Variants in UBE3C observed in about 807,000 individuals in gnomAD.
UBE3C encodes the protein ubiquitin protein ligase E3C.
UBE3C carries 42 observed loss-of-function variants against 129.4 expected under a neutral mutation model. That is an observed-to-expected ratio of 0.32 (90% CI 0.25 to 0.42). UBE3C has a LOEUF of 0.42. Among genes scored for constraint, UBE3C ranks in the 10% least tolerant of loss-of-function variants. UBE3C has a pLI of 1.00. For missense variants in UBE3C, 1,049 were observed against 1,319.1 expected (o/e 0.80, Z 3.17); for synonymous variants, 510 against 492.4 (o/e 1.04, Z -0.47).
At chr7:157,250,347 T>C (rs1489344592) in intron 19 of UBE3C, among the ~76,000 whole-genome samples, 1 of 152,176 alleles carries the variant, frequency 6.6e-6, no homozygotes, top group East Asian at 1.9e-4. Flanking sequence ...CCACCAAACC[T>C]GGCTAATTTT....
intron 21 of UBE3C, among the ~76,000 whole-genome samples, chr7:157,255,427 C>T (rs1024714617): frequency 2.0e-5 from 3 of 152,154 alleles, no homozygotes; most frequent in South Asian, 2.1e-4. Flanking sequence ...TGTATCCATG[C>T]GTATGTATCT....
chr7:157,178,693 G>A lies in UBE3C; in HGVS notation c.462G>A (p.Leu154=). The A allele has an allele frequency of 6.2e-7, 1 of 1,612,246 alleles. No homozygotes were observed. Among genetic ancestry groups the A allele is most frequent in the Non-Finnish European group, 8.5e-7 (1 of 1,178,518 alleles). ...IKRLMSLCCR[L]LQNCNDDSLN... is the part of the protein sequence containing the mutation. ...AATACTTTTTTCATTTTTACAGGTTGCTGCAAAACTGTAATGATGACAGTT... is the reference window on the plus strand; with the variant it reads ...AATACTTTTTTCATTTTTACAGGTTACTGCAAAACTGTAATGATGACAGTT... The change falls in exon 6 of 23, where the codon TTG becomes TTA. Residue 154 remains leucine, a synonymous_variant. Transcript: ENST00000348165.
intron 2 of UBE3C, among the ~76,000 whole-genome samples, chr7:157,165,216 T>A (rs1378646854): frequency 6.6e-6 from 1 of 152,154 alleles, no homozygotes; most frequent in Non-Finnish European, 1.5e-5. Flanking sequence ...GTGCTTTTGC[T>A]TCATTCTTCT....
intron 14 of UBE3C, 63 bp from the exon 15 acceptor site, chr7:157,220,626 G>T: frequency 1.3e-6 from 2 of 1,593,280 alleles, no homozygotes; most frequent in Middle Eastern, 1.7e-4. Flanking sequence ...CTGTTCAAGT[G>T]TGATCAGGTC....
intron 10 of UBE3C, among the ~76,000 whole-genome samples, chr7:157,189,921 C>A (rs1325022177): frequency 6.6e-6 from 1 of 151,990 alleles, no homozygotes; most frequent in Non-Finnish European, 1.5e-5. Flanking sequence ...CTACTTCAGC[C>A]TCCCGAGTAG....
chr7:157,154,306 G>A (rs540221695), intron 1 of UBE3C, among the ~76,000 whole-genome samples: 114 of 151,984 alleles, frequency 7.5e-4, no homozygotes, highest in Middle Eastern at 6.8e-3. Flanking sequence ...GTGACAGTTC[G>A]AGATTCTGTC....
chr7:157,192,492 G>T, intron 10 of UBE3C: 1 of 758,692 alleles, frequency 1.3e-6, no homozygotes, highest in Non-Finnish European at 2.4e-6. Context: ...GATCAGCAAA[G>T]ACTGATCTTT....
rs190516315 is a variant in UBE3C, at chr7:157,150,293, C to T, written c.66+10955C>T. On this transcript the variant is annotated intron_variant, in intron 1 of 22. Coordinates refer to ENST00000348165, the MANE Select transcript of UBE3C (RefSeq NM_014671.3). The stretch of plus-strand genomic sequence containing the variant: ...ACTTGGGAGGCAGAGGCGGGAGAAT[C>T]GCTTGAACCCAGGAGGCAGAGGTTG... Among the ~76,000 whole-genome samples the T allele has an allele frequency of 7.4e-3, 1,131 of 152,062 alleles. 10 individuals carry two copies. Among genetic ancestry groups the T allele is most frequent in the Non-Finnish European group, 0.011 (719 of 67,962 alleles).
intron 18 of UBE3C, 91 bp downstream of exon 18, chr7:157,231,418 A>G: frequency 1.0e-5 from 16 of 1,534,666 alleles, no homozygotes; most frequent in Non-Finnish European, 1.4e-5. Context: ...TTTACCATAA[A>G]ATACTGTTTG....
At chr7:157,210,981 T>G (rs1018330434) in intron 13 of UBE3C, among the ~76,000 whole-genome samples, 2 of 152,234 alleles carry the variant, frequency 1.3e-5, no homozygotes, top group Admixed American at 6.5e-5. Flanking sequence ...ATCAAATTTA[T>G]AAACTCCTCT....
chr7:157,267,431 AAAC>A (rs764964049), intron 22 of UBE3C, among the ~76,000 whole-genome samples, 151 bp from the exon 23 acceptor site: 80 of 152,282 alleles, frequency 5.3e-4, no homozygotes, highest in Non-Finnish European at 9.6e-4. Context: ...CAAAGAAAAC[AAAC>A]AACAACAACA....
chr7:157,202,696 C>T (rs1296435060), intron 11 of UBE3C, among the ~76,000 whole-genome samples: 2 of 152,112 alleles, frequency 1.3e-5, no homozygotes, highest in Admixed American at 1.3e-4. Context: ...TCCCCCTGTG[C>T]TGTAATCGGA....
Position 157,182,138 on chromosome 7 carries a change from G to A in UBE3C, c.801G>A (p.Glu267=). 2 of 1,595,120 alleles carry A rather than the reference G, an allele frequency of 1.3e-6. No homozygotes were observed. Among genetic ancestry groups the A allele is most frequent in the Non-Finnish European group, 1.7e-6 (2 of 1,174,286 alleles). Residue 267 remains glutamate (E), a synonymous_variant, in exon 8 of 23, where the codon GAG becomes GAA. Coordinates refer to ENST00000348165, the MANE Select transcript of UBE3C (RefSeq NM_014671.3). ...AAGTTTTTACAGCCTTCACAGAGGA[G>A]TTTCTGGCAGCACCTTTTACAGATC... ...RQQVFTAFTE[E]FLAAPFTDQI...
intron 17 of UBE3C, among the ~76,000 whole-genome samples, chr7:157,229,929 T>TTA (rs1554434624): frequency 6.6e-6 from 1 of 150,444 alleles, no homozygotes; most frequent in East Asian, 2.0e-4. Context: ...TATTTATTTT[T>TTA]TTTTTTTTTG....
chr7:157,188,654 G>T (rs1808872781), intron 10 of UBE3C, among the ~76,000 whole-genome samples: 3 of 152,180 alleles, frequency 2.0e-5, no homozygotes, highest in Admixed American at 1.3e-4. Flanking sequence ...AACTTTCTGT[G>T]TAGGCTTGAT....
intron 10 of UBE3C, among the ~76,000 whole-genome samples, chr7:157,201,323 C>CA (rs1323648500): frequency 1.2e-4 from 18 of 150,338 alleles, no homozygotes; most frequent in Non-Finnish European, 1.2e-4. Flanking sequence ...GACCCTGTCT[C>CA]AAAAAAAATA....
At chr7:157,176,094 A>G (rs1486481676) in intron 5 of UBE3C, among the ~76,000 whole-genome samples, 1 of 152,162 alleles carries the variant, frequency 6.6e-6, no homozygotes, top group African/African-American at 2.4e-5. Context: ...TTGTATAAGC[A>G]AATAATTTTG....
At chr7:157,241,198 G>A (rs902122647) in intron 18 of UBE3C, among the ~76,000 whole-genome samples, 22 of 152,164 alleles carry the variant, frequency 1.4e-4, no homozygotes, top group African/African-American at 4.3e-4. Flanking sequence ...TGGGAAAATG[G>A]ACTGCTGAGT....
chr7:157,202,111 C>T (rs1354748460), intron 11 of UBE3C, among the ~76,000 whole-genome samples: 1 of 152,138 alleles, frequency 6.6e-6, no homozygotes, highest in African/African-American at 2.4e-5. Flanking sequence ...TGACTTTACT[C>T]CTCTTTTCAC....
Sources: allele counts gnomAD v4.1 joint callset (sites outside exome capture counted in the v4.1 genomes callset), GRCh38; gene constraint gnomAD v4.1.1; transcripts MANE v1.5; gene names NCBI Gene and HGNC (gene_info 2026-07-23, HGNC 2026-07-21).